Variants in KHDRBS2 observed in about 807,000 individuals in gnomAD.
The protein encoded by KHDRBS2 is KH domain-containing, RNA-binding, signal transduction-associated protein 2.
In KHDRBS2, 26 loss-of-function variants were observed where a neutral mutation model predicts 44.3. The ratio of observed to expected loss-of-function variants is 0.59; its 90% CI spans 0.43 to 0.81. The LOEUF (loss-of-function observed/expected upper bound fraction) is 0.81, where lower values mean the gene tolerates loss of function less well. Among genes scored for constraint, KHDRBS2 ranks in the 40% least tolerant of loss-of-function variants. KHDRBS2 has a pLI of 0.00. For missense variants in KHDRBS2, 476 were observed against 433.1 expected (o/e 1.10, Z -0.88); for synonymous variants, 194 against 151.1 (o/e 1.28, Z -2.08).
chr6:61,588,377 GA>G, the KHDRBS2 span, among the ~76,000 whole-genome samples: 1 of 152,080 alleles, frequency 6.6e-6, no homozygotes, highest in Non-Finnish European at 1.5e-5. Context: ...AGAAATTTAA[GA>G]AAAATTAAAG....
the KHDRBS2 span, among the ~76,000 whole-genome samples, chr6:61,554,873 G>T: frequency 3.9e-5 from 6 of 152,100 alleles, no homozygotes; most frequent in Non-Finnish European, 8.8e-5. Context: ...CTGCTGTAAG[G>T]CCCACTGTTA....
At chr6:62,226,639 T>C (rs1470229885) in intron 1 of KHDRBS2, among the ~76,000 whole-genome samples, 1 of 152,078 alleles carries the variant, frequency 6.6e-6, no homozygotes, top group African/African-American at 2.4e-5. Context: ...ACTGCTTAAG[T>C]TTTCTTCTAG....
intron 1 of KHDRBS2, among the ~76,000 whole-genome samples, chr6:62,229,548 C>T (rs1832546181): frequency 6.6e-6 from 1 of 152,312 alleles, no homozygotes; most frequent in African/African-American, 2.4e-5. Flanking sequence ...CCCACTGGAG[C>T]TCGGCTGGCT....
chr6:61,857,979 T>C (rs1164822630), intron 6 of KHDRBS2, among the ~76,000 whole-genome samples: 3 of 151,998 alleles, frequency 2.0e-5, no homozygotes, highest in Non-Finnish European at 4.4e-5. Context: ...ATAACACATA[T>C]GTTATATTTG....
chr6:61,952,639 C>A (rs1324122067), intron 4 of KHDRBS2, among the ~76,000 whole-genome samples: 1 of 151,980 alleles, frequency 6.6e-6, no homozygotes, highest in Non-Finnish European at 1.5e-5. Flanking sequence ...TCCCTTACTC[C>A]ACTCACTGTA....
chr6:62,098,150 G>T (rs1243935588), intron 2 of KHDRBS2, among the ~76,000 whole-genome samples: 1 of 150,890 alleles, frequency 6.6e-6, no homozygotes, highest in Non-Finnish European at 1.5e-5. Flanking sequence ...TCATTCTAAA[G>T]ATATGTCTAG....
chr6:61,643,828 A>G, the KHDRBS2 span, among the ~76,000 whole-genome samples: 2 of 152,190 alleles, frequency 1.3e-5, no homozygotes, highest in Admixed American at 6.6e-5. Context: ...ATGAAAACAC[A>G]TTCCATGCTC....
chr6:61,648,954 A>T, the KHDRBS2 span, among the ~76,000 whole-genome samples: 1 of 152,086 alleles, frequency 6.6e-6, no homozygotes, highest in African/African-American at 2.4e-5. Flanking sequence ...TTCCATCCAG[A>T]TAGATATCTC....
At chr6:62,081,775 T>C (rs575242237) in intron 2 of KHDRBS2, among the ~76,000 whole-genome samples, 15 of 152,204 alleles carry the variant, frequency 9.9e-5, no homozygotes, top group African/African-American at 3.6e-4. Flanking sequence ...TATTTGCAGT[T>C]ATCAGCATGG....
intron 6 of KHDRBS2, among the ~76,000 whole-genome samples, chr6:61,810,667 A>T (rs929866202): frequency 1.3e-5 from 2 of 152,156 alleles, no homozygotes; most frequent in African/African-American, 4.8e-5. Flanking sequence ...TACACATTTA[A>T]AAAGAAAATA....
intron 2 of KHDRBS2, among the ~76,000 whole-genome samples, chr6:62,173,436 C>T (rs1820472186): frequency 6.6e-6 from 1 of 151,962 alleles, no homozygotes; most frequent in Non-Finnish European, 1.5e-5. Context: ...AAAATTGAAT[C>T]AGTAATAAAC....
At chr6:62,105,869 T>C (rs1803119735) in intron 2 of KHDRBS2, among the ~76,000 whole-genome samples, 1 of 152,206 alleles carries the variant, frequency 6.6e-6, no homozygotes, top group African/African-American at 2.4e-5. Context: ...ATTGTGATGT[T>C]AAGGTGTCAA....
chr6:62,063,589 A>T (rs372462422), intron 2 of KHDRBS2, among the ~76,000 whole-genome samples: 5 of 151,620 alleles, frequency 3.3e-5, no homozygotes, highest in Non-Finnish European at 7.4e-5. Flanking sequence ...ACCCTTCATG[A>T]TAAAAACTCT....
intron 7 of KHDRBS2, among the ~76,000 whole-genome samples, chr6:61,730,824 A>ATGTG (rs750635059): frequency 1.3e-5 from 2 of 150,412 alleles, no homozygotes; most frequent in Non-Finnish European, 3.0e-5. Flanking sequence ...CATTATATAT[A>ATGTG]TGTGTGTGTG....
At chr6:61,844,549 TTA>T (rs1209733193) in intron 6 of KHDRBS2, among the ~76,000 whole-genome samples, 1 of 152,142 alleles carries the variant, frequency 6.6e-6, no homozygotes, top group Non-Finnish European at 1.5e-5. Flanking sequence ...TGTTGATATT[TTA>T]TGTTTCTTAT....
intron 2 of KHDRBS2, among the ~76,000 whole-genome samples, chr6:62,095,500 T>C (rs895513041): frequency 2.0e-5 from 3 of 151,890 alleles, no homozygotes; most frequent in African/African-American, 7.2e-5. Context: ...TTGTGTAGCC[T>C]ATTAACAAAT....
intron 6 of KHDRBS2, among the ~76,000 whole-genome samples, chr6:61,755,430 C>CA (rs1164470083): frequency 6.6e-6 from 1 of 151,992 alleles, no homozygotes; most frequent in Non-Finnish European, 1.5e-5. Flanking sequence ...AACTAGTCTG[C>CA]AGAAAAACAA....
At chr6:62,076,813 G>C (rs758210278) in intron 2 of KHDRBS2, among the ~76,000 whole-genome samples, 1 of 151,986 alleles carries the variant, frequency 6.6e-6, no homozygotes, top group South Asian at 2.1e-4. Context: ...AGGCCACTGA[G>C]TTGGTAGGAT....
At chr6:62,007,021 G>T (rs554348180) in intron 3 of KHDRBS2, among the ~76,000 whole-genome samples, 1 of 152,204 alleles carries the variant, frequency 6.6e-6, no homozygotes, top group South Asian at 2.1e-4. Context: ...GTATGTGTGT[G>T]TGTACATACA....
Sources: allele counts gnomAD v4.1 joint callset (sites outside exome capture counted in the v4.1 genomes callset), GRCh38; gene constraint gnomAD v4.1.1; transcripts MANE v1.5; gene names NCBI Gene and HGNC (gene_info 2026-07-23, HGNC 2026-07-21).